The following RCAN2 variants were observed in gnomAD, a reference collection of about 807,000 sequenced individuals.
RCAN2 encodes the protein calcipressin-2.
A neutral mutation model predicts 23.6 loss-of-function variants in RCAN2; 9 were observed. That is an observed-to-expected ratio of 0.38 (90% CI 0.23 to 0.67). The LOEUF is 0.67. Among genes scored for constraint, RCAN2 ranks in the 30% least tolerant of loss-of-function variants. The pLI is 0.51. For synonymous variants in RCAN2, 109 were observed against 115.7 expected (o/e 0.94, Z 0.37); for missense variants, 273 against 302.3 (o/e 0.90, Z 0.72).
intron 4 of RCAN2, among the ~76,000 whole-genome samples, chr6:46,232,423 G>A (rs1214405830): frequency 1.3e-5 from 2 of 152,184 alleles, no homozygotes; most frequent in Non-Finnish European, 2.9e-5. Flanking sequence ...CTGGGTCAGA[G>A]TGGGCAGCTC....
chr6:46,254,970 C>T (rs1390710842), intron 2 of RCAN2, among the ~76,000 whole-genome samples: 2 of 152,144 alleles, frequency 1.3e-5, no homozygotes, highest in African/African-American at 4.8e-5. Context: ...AAGGATTCTC[C>T]TATGGGATCC....
intron 4 of RCAN2, among the ~76,000 whole-genome samples, chr6:46,227,182 G>A (rs1484889135): frequency 3.9e-5 from 6 of 152,104 alleles, no homozygotes; most frequent in East Asian, 1.9e-4. Flanking sequence ...TGCTGGATTC[G>A]GTTTGCCACT....
chr6:46,312,074 T>C (rs753447870), intron 2 of RCAN2, among the ~76,000 whole-genome samples: 1 of 152,184 alleles, frequency 6.6e-6, no homozygotes, highest in Non-Finnish European at 1.5e-5. Context: ...TCCATCCTGC[T>C]GCCCTCATCC....
chr6:46,232,440 G>A (rs370585131), intron 4 of RCAN2, among the ~76,000 whole-genome samples: 1 of 152,052 alleles, frequency 6.6e-6, no homozygotes, highest in Non-Finnish European at 1.5e-5. Flanking sequence ...GCTCTGGTTG[G>A]GGGTGTCTCT....
intron 2 of RCAN2, among the ~76,000 whole-genome samples, chr6:46,429,007 A>T (rs1260761134): frequency 6.6e-6 from 1 of 152,206 alleles, no homozygotes; most frequent in Non-Finnish European, 1.5e-5. Context: ...AAGGTAGATG[A>T]CCTCAGCCTC....
chr6:46,298,813 T>C (rs572481276), intron 2 of RCAN2, among the ~76,000 whole-genome samples: 2 of 152,216 alleles, frequency 1.3e-5, no homozygotes, highest in Admixed American at 6.5e-5. Flanking sequence ...CACTCATATG[T>C]TCATTGCAGC....
At chr6:46,445,202 T>G (rs1031983797) in intron 2 of RCAN2, among the ~76,000 whole-genome samples, 1 of 152,184 alleles carries the variant, frequency 6.6e-6, no homozygotes, top group Non-Finnish European at 1.5e-5. Flanking sequence ...TTCTATAGAC[T>G]CAGGCTCTAG....
chr6:46,405,951 C>A lies in RCAN2; in HGVS notation c.225+50801G>T, dbSNP rs559551108. On this transcript the variant is annotated intron_variant, in intron 2 of 4. Transcript: ENST00000371374. ...AGGCCTGGCAAGAGATCGAGCACAG[C>A]GCCGGTGGGTTGGCACTGCTGGGGG... Among the ~76,000 whole-genome samples, 12 of 152,334 alleles carry A rather than the reference C, an allele frequency of 7.9e-5. No homozygotes were observed. The East Asian group carries it at 2.1e-3, about 27-fold the overall frequency.
intron 2 of RCAN2, among the ~76,000 whole-genome samples, chr6:46,271,070 G>A (rs897127595): frequency 1.3e-5 from 2 of 152,160 alleles, no homozygotes; most frequent in African/African-American, 4.8e-5. Context: ...TGAGTTTTGG[G>A]GCAATTTGCT....
At position 46,369,575 on chromosome 6, in the gene RCAN2, G is replaced by A. The variant is rs185815782; in HGVS notation, c.225+87177C>T. Reference sequence around the variant, plus strand: ...TCCATTATAATCTTATGGGACCACCGTCATACATGTGGTCCATCAATGACT... The same window carrying A: ...TCCATTATAATCTTATGGGACCACCATCATACATGTGGTCCATCAATGACT... On this transcript the variant is annotated intron_variant, in intron 2 of 4. Transcript: ENST00000371374. Among the ~76,000 whole-genome samples the A allele has an allele frequency of 3.1e-3, 479 of 152,178 alleles. 2 individuals carry two copies. Among genetic ancestry groups the A allele is most frequent in the Non-Finnish European group, 5.7e-3 (391 of 68,014 alleles).
At chr6:46,485,682 T>G (rs949219294) in intron 1 of RCAN2, among the ~76,000 whole-genome samples, 1 of 152,144 alleles carries the variant, frequency 6.6e-6, no homozygotes, top group South Asian at 2.1e-4. Context: ...CTTCTTGCAC[T>G]CCACATCATG....
intron 2 of RCAN2, among the ~76,000 whole-genome samples, chr6:46,289,215 G>C (rs1396865264): frequency 6.6e-6 from 1 of 152,086 alleles, no homozygotes; most frequent in East Asian, 1.9e-4. Context: ...TTGTCTAGTG[G>C]AGATAATAAC....
intron 2 of RCAN2, among the ~76,000 whole-genome samples, chr6:46,264,060 C>T (rs565108188): frequency 6.6e-6 from 1 of 152,186 alleles, no homozygotes; most frequent in Admixed American, 6.5e-5. Context: ...TACCCCTTTG[C>T]AGAATGCTAC....
At chr6:46,468,999 T>A (rs1164134593) in intron 1 of RCAN2, 1 of 177,458 alleles carries the variant, frequency 5.6e-6, no homozygotes, top group Non-Finnish European at 1.1e-5. Context: ...CTTCCCTTCT[T>A]TTTATATCCA....
At chr6:46,383,196 T>TGTGTGTAC (rs1182634224) in intron 2 of RCAN2, among the ~76,000 whole-genome samples, 1 of 151,508 alleles carries the variant, frequency 6.6e-6, no homozygotes, top group African/African-American at 2.4e-5. Flanking sequence ...TGTGTGTGTG[T>TGTGTGTAC]GTGTGTGTGT....
intron 2 of RCAN2, among the ~76,000 whole-genome samples, chr6:46,304,370 C>G (rs1763000776): frequency 6.6e-6 from 1 of 152,078 alleles, no homozygotes; most frequent in Non-Finnish European, 1.5e-5. Context: ...CAGACTGTAG[C>G]TTTCCTTTTT....
intron 2 of RCAN2, among the ~76,000 whole-genome samples, chr6:46,317,628 A>G (rs1020867261): frequency 4.0e-5 from 6 of 150,906 alleles, no homozygotes; most frequent in Admixed American, 6.6e-5. Flanking sequence ...TGCCCGGCTA[A>G]TTTTTTTTTG....
chr6:46,419,170 G>A (rs1766796647), intron 2 of RCAN2, among the ~76,000 whole-genome samples: 2 of 152,138 alleles, frequency 1.3e-5, no homozygotes. Flanking sequence ...ATGCCATGTG[G>A]AAAGTTTGAA....
intron 2 of RCAN2, among the ~76,000 whole-genome samples, chr6:46,376,455 G>A (rs1008088868): frequency 6.6e-6 from 1 of 152,224 alleles, no homozygotes; most frequent in African/African-American, 2.4e-5. Context: ...GCCAAGGTGA[G>A]TGGATCACGA....
Sources: allele counts gnomAD v4.1 joint callset (sites outside exome capture counted in the v4.1 genomes callset), GRCh38; gene constraint gnomAD v4.1.1; transcripts MANE v1.5; gene names NCBI Gene and HGNC (gene_info 2026-07-23, HGNC 2026-07-21).